Variants in PLCB1 observed in about 807,000 individuals in gnomAD.
PLCB1 encodes phospholipase C beta 1, also known as 1-phosphatidylinositol 4,5-bisphosphate phosphodiesterase beta-1.
Under a neutral mutation model 161.8 loss-of-function variants are expected in PLCB1, and 46 were observed. The observed-to-expected ratio is 0.28, with a 90% CI of 0.22 to 0.36. The LOEUF (loss-of-function observed/expected upper bound fraction) is 0.36. PLCB1 is among the 10% of genes least tolerant of loss of function. The pLI, the probability that PLCB1 is intolerant of heterozygous loss-of-function variation, is 1.00. For synonymous variants in PLCB1, 517 were observed against 503.7 expected, an observed-to-expected ratio of 1.03 and a Z score of -0.35; for missense variants, 1,016 against 1,472.5, an observed-to-expected ratio of 0.69 and a Z score of 5.07.
chr20:8,304,712 A>G (rs1156870168), intron 2 of PLCB1, among the ~76,000 whole-genome samples: 1 of 152,026 alleles, frequency 6.6e-6, no homozygotes, highest in Non-Finnish European at 1.5e-5. Context: ...AATAGCCAAT[A>G]CATACAGAAT....
intron 2 of PLCB1, among the ~76,000 whole-genome samples, chr20:8,172,782 G>C (rs1193811277): frequency 6.6e-6 from 1 of 152,128 alleles, no homozygotes; most frequent in Non-Finnish European, 1.5e-5. Context: ...ACCAGCAGAG[G>C]ACTCTGAAAG....
intron 2 of PLCB1, among the ~76,000 whole-genome samples, chr20:8,303,935 G>A (rs1336698940): frequency 3.3e-5 from 5 of 152,162 alleles, no homozygotes; most frequent in Non-Finnish European, 5.9e-5. Flanking sequence ...TTGCCAATAA[G>A]CCATGAATTA....
intron 3 of PLCB1, among the ~76,000 whole-genome samples, chr20:8,495,388 C>CT (rs869173548): frequency 0.067 from 6,299 of 94,144 alleles, 812 homozygotes; most frequent in Non-Finnish European, 0.083. Context: ...ACCTTCCTTT[C>CT]TTTTTTTTTT....
intron 3 of PLCB1, among the ~76,000 whole-genome samples, chr20:8,571,554 C>T (rs1202861748): frequency 6.6e-6 from 1 of 152,072 alleles, no homozygotes; most frequent in South Asian, 2.1e-4. Context: ...GGAGAGACAA[C>T]AGGAAATTCA....
intron 3 of PLCB1, among the ~76,000 whole-genome samples, chr20:8,603,324 T>C (rs1470998804): frequency 1.3e-5 from 2 of 152,226 alleles, no homozygotes; most frequent in Non-Finnish European, 2.9e-5. Flanking sequence ...CTAAGTTCAA[T>C]GTTTAAGGTT....
intron 2 of PLCB1, among the ~76,000 whole-genome samples, chr20:8,252,075 T>C (rs1981171880): frequency 6.6e-6 from 1 of 151,842 alleles, no homozygotes; most frequent in Admixed American, 6.6e-5. Context: ...GTAAGACGTA[T>C]GAGTGATGGG....
intron 11 of PLCB1, among the ~76,000 whole-genome samples, chr20:8,701,899 AG>A (rs750347303): frequency 2.4e-4 from 37 of 152,312 alleles, no homozygotes; most frequent in South Asian, 1.4e-3. Context: ...AACATTTGCC[AG>A]TTTTAGCTGC....
chr20:8,447,397 G>A (rs1005807262), intron 3 of PLCB1, among the ~76,000 whole-genome samples: 2 of 152,176 alleles, frequency 1.3e-5, no homozygotes, highest in Non-Finnish European at 2.9e-5. Flanking sequence ...TTAAGTGAAT[G>A]TACATGAAGT....
intron 3 of PLCB1, among the ~76,000 whole-genome samples, chr20:8,576,797 T>C (rs1038379800): frequency 6.6e-6 from 1 of 152,250 alleles, no homozygotes; most frequent in African/African-American, 2.4e-5. Context: ...TATTGTAAGA[T>C]ATTAAAACAT....
chr20:8,786,813 C>T (rs1262146335), intron 27 of PLCB1, among the ~76,000 whole-genome samples: 2 of 151,736 alleles, frequency 1.3e-5, no homozygotes, highest in Non-Finnish European at 1.5e-5. Flanking sequence ...AAGTGATTCT[C>T]CTGCCTCAGC....
intron 2 of PLCB1, among the ~76,000 whole-genome samples, chr20:8,237,690 A>G (rs1980396694): frequency 6.6e-6 from 1 of 152,088 alleles, no homozygotes; most frequent in Admixed American, 6.6e-5. Context: ...CCCCATTACT[A>G]CTTAATTGGC....
At chr20:8,409,453 A>ATTG (rs1288910718) in intron 3 of PLCB1, among the ~76,000 whole-genome samples, 1 of 150,468 alleles carries the variant, frequency 6.6e-6, no homozygotes, top group Non-Finnish European at 1.5e-5. Flanking sequence ...TTTTATTATT[A>ATTG]TTATTATTAT....
chr20:8,462,782 C>G (rs898528789), intron 3 of PLCB1, among the ~76,000 whole-genome samples: 36 of 152,206 alleles, frequency 2.4e-4, no homozygotes, highest in African/African-American at 8.7e-4. Context: ...AAGCTCCATG[C>G]CTTGCCCCTT....
rs6039192 is a variant in PLCB1, at chr20:8,554,139, C to A, written c.247-74155C>A. The stretch of plus-strand genomic sequence containing the variant: ...TGGCAAGATTGTAGAATAGCTGAAA[C>A]TCTCATACAGGGGTGATATAAAATG... On this transcript the variant is annotated intron_variant, in intron 3 of 31. Transcript: ENST00000338037. 7.4e-3 allele frequency among the ~76,000 whole-genome samples: 1,116 copies of A among 150,722 alleles called. 15 individuals are homozygous for A. Among genetic ancestry groups the A allele is most frequent in the African/African-American group, 0.026 (1,083 of 41,090 alleles).
intron 2 of PLCB1, among the ~76,000 whole-genome samples, chr20:8,318,084 G>A (rs2719809): frequency 0.065 from 9,865 of 151,372 alleles, 1,041 homozygotes; most frequent in African/African-American, 0.22. Context: ...AAGTAAAATG[G>A]CAGTTACAAC....
At chr20:8,440,747 A>C (rs1980522586) in intron 3 of PLCB1, among the ~76,000 whole-genome samples, 1 of 152,122 alleles carries the variant, frequency 6.6e-6, no homozygotes, top group Admixed American at 6.6e-5. Context: ...AGGAAGACTA[A>C]AGTTAACAAT....
At chr20:8,314,690 T>G (rs1247794215) in intron 2 of PLCB1, among the ~76,000 whole-genome samples, 2 of 152,212 alleles carry the variant, frequency 1.3e-5, no homozygotes, top group Non-Finnish European at 2.9e-5. Context: ...GCTACTATTT[T>G]TTATTAAGTA....
chr20:8,231,280 TG>T (rs1980020427), intron 2 of PLCB1, among the ~76,000 whole-genome samples: 1 of 152,182 alleles, frequency 6.6e-6, no homozygotes, highest in Admixed American at 6.5e-5. Context: ...AACTCTTTCT[TG>T]GGAAAGTAGA....
At chr20:8,764,336 C>T (rs1231524549) in intron 25 of PLCB1, among the ~76,000 whole-genome samples, 3 of 152,094 alleles carry the variant, frequency 2.0e-5, no homozygotes, top group Non-Finnish European at 4.4e-5. Context: ...GTAAATGATA[C>T]CTTTTAGAAA....
Sources: gnomAD v4.1 joint callset for allele counts (sites outside exome capture counted in the v4.1 genomes callset) on GRCh38, gnomAD v4.1.1 for gene constraint, MANE v1.5 for transcripts, NCBI Gene and HGNC (gene_info 2026-07-23, HGNC 2026-07-21) for gene names.